The following JMJD1C variants were observed in gnomAD, a reference collection of about 807,000 sequenced individuals.
JMJD1C encodes the protein jumonji domain-containing protein 1C.
Under a neutral mutation model 245.3 loss-of-function variants are expected in JMJD1C, and 31 were observed. The ratio of observed to expected loss-of-function variants is 0.13; its 90% CI spans 0.09 to 0.17. The LOEUF is 0.17. Ranked by LOEUF, JMJD1C falls within the 10% of genes least tolerant of loss-of-function variation. JMJD1C has a pLI of 1.00. For missense variants in JMJD1C, 2,691 were observed against 3,000.2 expected (o/e 0.90, Z 2.41); for synonymous variants, 1,057 against 1,017.4 (o/e 1.04, Z -0.74).
At chr10:63,429,091 C>T (rs1950603432) in intron 1 of JMJD1C, among the ~76,000 whole-genome samples, 1 of 152,160 alleles carries the variant, frequency 6.6e-6, no homozygotes, top group Admixed American at 6.5e-5. Flanking sequence ...AGAGAGTCTC[C>T]TGCCTCGGCC....
chr10:63,347,639 G>A (rs962282777), intron 2 of JMJD1C, among the ~76,000 whole-genome samples: 2 of 151,388 alleles, frequency 1.3e-5, no homozygotes, highest in East Asian at 2.0e-4. Flanking sequence ...CAGGGCAGGC[G>A]TAGTGGCTCA....
chr10:63,406,612 T>TAC (rs375260010), intron 1 of JMJD1C, among the ~76,000 whole-genome samples: 1 of 151,758 alleles, frequency 6.6e-6, no homozygotes, highest in Non-Finnish European at 1.5e-5. Context: ...TAGGCTAGTA[T>TAC]AACTAATCCA....
Position 63,206,744 on chromosome 10 carries a change from G to C in JMJD1C, c.4925C>G (p.Thr1642Ser), listed in dbSNP as rs1486488505. ...GTAAGTTGGCTTAGGTTGTCTTTTAGTCCTTTGCTCTGACTTGCTTTCACT... is the reference window on the plus strand; with the variant it reads ...GTAAGTTGGCTTAGGTTGTCTTTTACTCCTTTGCTCTGACTTGCTTTCACT... ...DESESKSEQRTKRQPKPTYKK... is the reference protein window; with the variant it reads ...DESESKSEQRSKRQPKPTYKK... Residue 1642 changes from threonine (T) to serine (S), a missense_variant, in exon 10 of 26, where the codon ACT becomes AGT. Physicochemically the swap from Thr to Ser is moderately conservative, Grantham distance 58. Transcript: ENST00000399262. 3 of 1,613,508 alleles carry C rather than the reference G, an allele frequency of 1.9e-6. No individual in the cohort carries two copies. Among genetic ancestry groups the C allele is most frequent in the Non-Finnish European group, 2.5e-6 (3 of 1,179,924 alleles).
At chr10:63,300,005 C>CT (rs1217283457) in intron 2 of JMJD1C, among the ~76,000 whole-genome samples, 1 of 151,980 alleles carries the variant, frequency 6.6e-6, no homozygotes, top group Non-Finnish European at 1.5e-5. Context: ...AGTGGAATGT[C>CT]TGAGTTGATG....
intron 1 of JMJD1C, chr10:63,465,258 C>T: frequency 2.0e-6 from 1 of 503,114 alleles, no homozygotes; most frequent in Non-Finnish European, 3.5e-6. Flanking sequence ...GGGGCCAGGG[C>T]AGCCTCCGCG....
Position 63,223,936 on chromosome 10 carries a change from T to G in JMJD1C, c.448-3953A>C, listed in dbSNP as rs1034859549. ...GCCCGGCTAATTTTTGTATTTTTAGTAGAGACGGGGTTTCGCCATGTTGGT... is the reference window on the plus strand; with the variant it reads ...GCCCGGCTAATTTTTGTATTTTTAGGAGAGACGGGGTTTCGCCATGTTGGT... On this transcript the variant is annotated intron_variant, in intron 3 of 25. Coordinates refer to ENST00000399262, the MANE Select transcript of JMJD1C (RefSeq NM_032776.3). 3.9e-5 allele frequency among the ~76,000 whole-genome samples: 6 copies of G among 152,116 alleles called. No homozygotes were observed. The East Asian group carries it at 1.2e-3, about 29-fold the overall frequency.
intron 2 of JMJD1C, among the ~76,000 whole-genome samples, chr10:63,351,895 T>C (rs909279680): frequency 1.3e-5 from 2 of 152,192 alleles, no homozygotes; most frequent in African/African-American, 2.4e-5. Context: ...AAGCTTTCAA[T>C]TTAATGTAGT....
chr10:63,199,419 G>A (rs536854941), intron 11 of JMJD1C, among the ~76,000 whole-genome samples: 1 of 152,180 alleles, frequency 6.6e-6, no homozygotes, highest in South Asian at 2.1e-4. Context: ...AAGTCATACT[G>A]TATTTTTCAT....
intron 1 of JMJD1C, chr10:63,465,259 A>G (rs957375890): frequency 3.0e-5 from 15 of 502,464 alleles, no homozygotes; most frequent in African/African-American, 8.1e-5. Context: ...GGGCCAGGGC[A>G]GCCTCCGCGG....
chr10:63,226,939 G>C (rs547073570), intron 3 of JMJD1C, among the ~76,000 whole-genome samples: 1 of 151,816 alleles, frequency 6.6e-6, no homozygotes, highest in African/African-American at 2.4e-5. Flanking sequence ...GTAGTGGTGC[G>C]CATCTATAAT....
intron 1 of JMJD1C, among the ~76,000 whole-genome samples, chr10:63,399,571 C>G (rs770131572): frequency 6.6e-6 from 1 of 152,068 alleles, no homozygotes; most frequent in African/African-American, 2.4e-5. Flanking sequence ...AACTCATTTA[C>G]TTTGTCACAC....
At chr10:63,216,923 T>C (rs1179327901) in intron 5 of JMJD1C, among the ~76,000 whole-genome samples, 1 of 152,186 alleles carries the variant, frequency 6.6e-6, no homozygotes, top group Non-Finnish European at 1.5e-5. Context: ...AAAGAAAATT[T>C]TAGCTCATCT....
chr10:63,454,002 C>T (rs918700576), intron 1 of JMJD1C, among the ~76,000 whole-genome samples: 1 of 152,176 alleles, frequency 6.6e-6, no homozygotes, highest in Non-Finnish European at 1.5e-5. Context: ...GGATTACAGG[C>T]TTGAGCCACT....
chr10:63,333,331 G>A (rs72835352), intron 2 of JMJD1C, among the ~76,000 whole-genome samples: 7,787 of 152,168 alleles, frequency 0.051, 298 homozygotes, highest in African/African-American at 0.11. Context: ...AAGGCAAGAG[G>A]AGCCCTTGAA....
chr10:63,439,125 A>G (rs1285843587), intron 1 of JMJD1C, among the ~76,000 whole-genome samples: 4 of 152,206 alleles, frequency 2.6e-5, no homozygotes, highest in African/African-American at 9.6e-5. Flanking sequence ...CAAAGACTAA[A>G]TAACACTGAT....
chr10:63,233,189 AT>A (rs1376090717), intron 3 of JMJD1C, among the ~76,000 whole-genome samples: 4 of 152,338 alleles, frequency 2.6e-5, no homozygotes, highest in African/African-American at 9.6e-5. Context: ...GGTTGCCACA[AT>A]TTTAGTTAAT....
At chr10:63,437,350 G>A (rs1180921258) in intron 1 of JMJD1C, among the ~76,000 whole-genome samples, 5 of 152,076 alleles carry the variant, frequency 3.3e-5, no homozygotes, top group African/African-American at 1.2e-4. Context: ...TCACTAAAAA[G>A]CAGAAGCAAT....
chr10:63,463,410 TC>T (rs1952938147), intron 1 of JMJD1C, among the ~76,000 whole-genome samples: 1 of 152,130 alleles, frequency 6.6e-6, no homozygotes, highest in Non-Finnish European at 1.5e-5. Context: ...TCAAGTATCT[TC>T]CCATCTCAGT....
intron 1 of JMJD1C, among the ~76,000 whole-genome samples, chr10:63,403,180 T>C (rs1948966031): frequency 6.6e-6 from 1 of 152,214 alleles, no homozygotes; most frequent in South Asian, 2.1e-4. Flanking sequence ...AGCCAAGGGA[T>C]GCCCAAAGCT....
Sources: allele counts gnomAD v4.1 joint callset (sites outside exome capture counted in the v4.1 genomes callset), GRCh38; gene constraint gnomAD v4.1.1; transcripts MANE v1.5; gene names NCBI Gene and HGNC (gene_info 2026-07-23, HGNC 2026-07-21).